HECW2: variants seen among roughly 807,000 people sequenced by gnomAD.
HECW2 encodes the protein HECT, C2 and WW domain containing E3 ubiquitin protein ligase 2, also known as E3 ubiquitin-protein ligase HECW2.
In HECW2, 61 loss-of-function variants were observed where a neutral mutation model predicts 175.2. The observed-to-expected ratio is 0.35, with a 90% CI of 0.28 to 0.43. The LOEUF is 0.43. HECW2 is among the 20% of genes least tolerant of loss of function. HECW2 has a pLI of 1.00. For synonymous variants in HECW2, 671 were observed against 731.0 expected (o/e 0.92, Z 1.32); for missense variants, 1,524 against 2,000.5 (o/e 0.76, Z 4.54).
chr2:196,303,026 T>A (rs1452316309), intron 13 of HECW2, among the ~76,000 whole-genome samples: 1 of 152,228 alleles, frequency 6.6e-6, no homozygotes, highest in African/African-American at 2.4e-5. Flanking sequence ...CTTTTGCCCA[T>A]TCAGCATGAC....
intron 1 of HECW2, among the ~76,000 whole-genome samples, chr2:196,536,983 G>A (rs1292115192): frequency 6.6e-6 from 1 of 152,172 alleles, no homozygotes; most frequent in Admixed American, 6.5e-5. Flanking sequence ...ACGAGGCCAG[G>A]AAAGATGAAA....
intron 1 of HECW2, among the ~76,000 whole-genome samples, chr2:196,442,342 T>C (rs1341165735): frequency 1.3e-5 from 2 of 152,178 alleles, no homozygotes; most frequent in Non-Finnish European, 2.9e-5. Flanking sequence ...AGTACTCAAG[T>C]GAAAATGCAG....
At chr2:196,465,955 A>G (rs766350018) in intron 1 of HECW2, among the ~76,000 whole-genome samples, 8 of 152,190 alleles carry the variant, frequency 5.3e-5, no homozygotes, top group African/African-American at 1.7e-4. Flanking sequence ...TTGCTTTCAC[A>G]GGCTGTCCAA....
intron 1 of HECW2, among the ~76,000 whole-genome samples, chr2:196,457,794 G>C (rs954174230): frequency 2.7e-5 from 4 of 149,804 alleles, no homozygotes; most frequent in African/African-American, 7.5e-5. Flanking sequence ...CTTTTTCTCA[G>C]AGCATACTCA....
chr2:196,412,886 G>T (rs993220703), intron 2 of HECW2, among the ~76,000 whole-genome samples: 2 of 152,180 alleles, frequency 1.3e-5, no homozygotes, highest in African/African-American at 4.8e-5. Flanking sequence ...CTAAAGGCTG[G>T]AAGGAGCCCT....
intron 1 of HECW2, among the ~76,000 whole-genome samples, chr2:196,467,860 A>G (rs1186426713): frequency 6.6e-6 from 1 of 152,162 alleles, no homozygotes; most frequent in Non-Finnish European, 1.5e-5. Flanking sequence ...CTAAGTGTCC[A>G]TGTTACAAAA....
intron 18 of HECW2, 151 bp from the exon 19 acceptor site, chr2:196,254,180 A>C: frequency 7.7e-7 from 1 of 1,303,780 alleles, no homozygotes; most frequent in East Asian, 2.7e-5. Flanking sequence ...TTCTTGGTAC[A>C]AAATGGCTGG....
chr2:196,545,504 T>C (rs746457948), intron 1 of HECW2, among the ~76,000 whole-genome samples: 20 of 152,162 alleles, frequency 1.3e-4, no homozygotes, highest in Non-Finnish European at 1.9e-4. Context: ...ATAGGGAAAA[T>C]GGAACTGGCT....
intron 28 of HECW2, among the ~76,000 whole-genome samples, chr2:196,208,279 T>C (rs1447724353): frequency 1.3e-5 from 2 of 152,232 alleles, no homozygotes; most frequent in African/African-American, 4.8e-5. Flanking sequence ...CTATCCCAAC[T>C]TTTCAGATAT....
chr2:196,401,861 C>T (rs1694824873), intron 2 of HECW2, among the ~76,000 whole-genome samples: 1 of 152,168 alleles, frequency 6.6e-6, no homozygotes, highest in African/African-American at 2.4e-5. Context: ...CAAGGACCTA[C>T]TATGTTCTCA....
chr2:196,528,284 T>G (rs1688736625), intron 1 of HECW2, among the ~76,000 whole-genome samples: 1 of 152,190 alleles, frequency 6.6e-6, no homozygotes, highest in Non-Finnish European at 1.5e-5. Flanking sequence ...TACCAAGCAA[T>G]TAATTAAATA....
At chr2:196,416,637 G>T (rs1037475206) in intron 2 of HECW2, among the ~76,000 whole-genome samples, 8 of 152,142 alleles carry the variant, frequency 5.3e-5, no homozygotes, top group African/African-American at 1.9e-4. Flanking sequence ...ACTGCCAAAG[G>T]GGACAATTGA....
intron 21 of HECW2, among the ~76,000 whole-genome samples, chr2:196,230,382 G>A (rs1207276382): frequency 6.6e-6 from 1 of 152,212 alleles, no homozygotes; most frequent in Non-Finnish European, 1.5e-5. Context: ...TCTGTGTGCT[G>A]ATTACATATG....
intron 21 of HECW2, among the ~76,000 whole-genome samples, chr2:196,234,778 C>A (rs559043688): frequency 1.3e-5 from 2 of 152,282 alleles, no homozygotes; most frequent in East Asian, 3.9e-4. Flanking sequence ...TAGACTGATG[C>A]CCAGCAGAAA....
At chr2:196,519,636 T>C (rs997499105) in intron 1 of HECW2, among the ~76,000 whole-genome samples, 4 of 152,164 alleles carry the variant, frequency 2.6e-5, no homozygotes, top group Admixed American at 6.5e-5. Context: ...AAACATTTAG[T>C]TGGAGAAGGA....
chr2:196,472,641 G>A (rs1428042274), intron 1 of HECW2, among the ~76,000 whole-genome samples: 2 of 150,902 alleles, frequency 1.3e-5, no homozygotes, highest in Non-Finnish European at 2.9e-5. Flanking sequence ...TTTTTTTTGA[G>A]ATGGAGTTTC....
intron 1 of HECW2, among the ~76,000 whole-genome samples, chr2:196,539,617 A>C (rs1474940688): frequency 6.6e-6 from 1 of 152,226 alleles, no homozygotes; most frequent in African/African-American, 2.4e-5. Flanking sequence ...CCTGGACAAC[A>C]GAGCAAGACT....
chr2:196,421,180 A>G (rs1054483118), intron 2 of HECW2, among the ~76,000 whole-genome samples: 1 of 152,168 alleles, frequency 6.6e-6, no homozygotes, highest in Non-Finnish European at 1.5e-5. Flanking sequence ...ACTAAGAAAA[A>G]GCATGATATG....
At position 196,342,365 on chromosome 2, in the gene HECW2, T is replaced by C. The variant is rs540922845; in HGVS notation, c.400+1292A>G. Among the ~76,000 whole-genome samples, 328 of 149,700 alleles carry C rather than the reference T, an allele frequency of 2.2e-3. 2 individuals are homozygous for C. Among genetic ancestry groups the C allele is most frequent in the South Asian group, 7.8e-3 (37 of 4,734 alleles). On this transcript the variant is annotated intron_variant, in intron 3 of 28. Coordinates refer to ENST00000644978, the MANE Select transcript of HECW2 (RefSeq NM_001348768.2). Reference sequence around the variant, plus strand: ...GTTGTGATGAGCCGAGATTGCGCCATTGTACTCCAGCCTGGGCAACAAGAG... The same window carrying C: ...GTTGTGATGAGCCGAGATTGCGCCACTGTACTCCAGCCTGGGCAACAAGAG...
Sources: gnomAD v4.1 joint callset for allele counts (sites outside exome capture counted in the v4.1 genomes callset) on GRCh38, gnomAD v4.1.1 for gene constraint, MANE v1.5 for transcripts, NCBI Gene and HGNC (gene_info 2026-07-23, HGNC 2026-07-21) for gene names.